Variants in NT5E observed in about 807,000 individuals in gnomAD.
The protein encoded by NT5E is 5'-nucleotidase.
A neutral mutation model predicts 55.1 loss-of-function variants in NT5E; 53 were observed. That is an observed-to-expected ratio of 0.96 (90% CI 0.77 to 1.21). The LOEUF is 1.21. Among genes scored for constraint, NT5E ranks in the 50% most tolerant of loss-of-function variants. The pLI is 0.00. For missense variants in NT5E, 683 were observed against 724.3 expected, an observed-to-expected ratio of 0.94 and a Z score of 0.65; for synonymous variants, 270 against 278.4, an observed-to-expected ratio of 0.97 and a Z score of 0.30.
At chr6:85,493,228 G>C (rs1450195429) in intron 8 of NT5E, among the ~76,000 whole-genome samples, 1 of 152,160 alleles carries the variant, frequency 6.6e-6, no homozygotes, top group Non-Finnish European at 1.5e-5. Flanking sequence ...AAGTTAACTG[G>C]ATTGGGGCTA....
At chr6:85,457,565 C>T (rs541703163) in intron 1 of NT5E, among the ~76,000 whole-genome samples, 2 of 152,094 alleles carry the variant, frequency 1.3e-5, no homozygotes, top group Admixed American at 1.3e-4. Context: ...GGAGAGATAG[C>T]GTAGGTCTTT....
At chr6:85,483,634 C>T (rs930954600) in intron 3 of NT5E, among the ~76,000 whole-genome samples, 1 of 152,152 alleles carries the variant, frequency 6.6e-6, no homozygotes, top group African/African-American at 2.4e-5. Context: ...ACAACTATTT[C>T]CTGCTTGTGA....
chr6:85,485,554 G>T (rs1769635741), intron 4 of NT5E, 122 bp downstream of exon 4: 1 of 1,016,374 alleles, frequency 9.8e-7, no homozygotes, highest in Non-Finnish European at 1.5e-6. Flanking sequence ...GAAGAATTTA[G>T]TTTCTTCCTT....
chr6:85,476,920 T>C lies in NT5E; in HGVS notation c.751+5495T>C, dbSNP rs573108926. 3.2e-4 allele frequency among the ~76,000 whole-genome samples: 49 copies of C among 152,122 alleles called. No individual in the cohort carries two copies. In the Middle Eastern group the frequency reaches 0.01, roughly 32 times the overall value. ...GGATGGGGGGCAGGGCGGGCCAGGG[T>C]GATTTTGGAAAAGGCAACATTCAGG... is the stretch of plus-strand genomic sequence containing the variant. On this transcript the variant is annotated intron_variant, in intron 3 of 8. Transcript: ENST00000257770.
At chr6:85,464,407 G>A in intron 1 of NT5E, among the ~76,000 whole-genome samples, 1 of 152,008 alleles carries the variant, frequency 6.6e-6, no homozygotes, top group Non-Finnish European at 1.5e-5. Flanking sequence ...TTCATTCACT[G>A]CCATTCCAGA....
At chr6:85,453,973 CCTTT>C (rs1380742484) in intron 1 of NT5E, among the ~76,000 whole-genome samples, 2 of 152,126 alleles carry the variant, frequency 1.3e-5, no homozygotes, top group Non-Finnish European at 2.9e-5. Context: ...GTTATTTAGC[CCTTT>C]CTGTTTCTTA....
chr6:85,494,486 AATGCT>A lies in NT5E; in HGVS notation c.*483_*487del. 1 of 176,098 alleles carries A rather than the reference AATGCT, an allele frequency of 5.7e-6. No homozygotes were observed. Among genetic ancestry groups the A allele is most frequent in the East Asian group, 1.6e-4 (1 of 6,390 alleles). 10.9% of individuals were successfully genotyped at this position (176,098 alleles called of 1,614,324 possible). On this transcript the variant is annotated 3_prime_UTR_variant, in exon 9 of 9. Coordinates refer to ENST00000257770, the MANE Select transcript of NT5E (RefSeq NM_002526.4). ...AAAGGGTTGACTTGACCATACAGCT[AATGCT>A]GACAGATCCAAGACCTAGACCTAGG...
chr6:85,491,408 G>C lies in NT5E; in HGVS notation c.1361-569G>C, dbSNP rs532863906. On this transcript the variant is annotated intron_variant, in intron 7 of 8. Transcript: ENST00000257770. Reference sequence around the variant, plus strand: ...TTGCTTTCCTGAGTTTTCCTCTGCAGAACACATTGCTGTTGAGACTGAAGG... The same window carrying C: ...TTGCTTTCCTGAGTTTTCCTCTGCACAACACATTGCTGTTGAGACTGAAGG... 67 of 326,068 alleles carry C rather than the reference G, an allele frequency of 2.1e-4. 2 individuals carry two copies. The Admixed American group carries it at 3.0e-3, about 15-fold the overall frequency. The allele number at this position is 326,068 out of a possible 1,614,324, so 20.2% of individuals were successfully genotyped here. A position where few individuals can be genotyped will look rare whatever the true frequency, so the allele number is the denominator to read the frequency against.
intron 3 of NT5E, among the ~76,000 whole-genome samples, chr6:85,482,962 G>T (rs1476074210): frequency 6.6e-6 from 1 of 152,168 alleles, no homozygotes; most frequent in Non-Finnish European, 1.5e-5. Context: ...CTTCCTTCTT[G>T]TTCCTGATTA....
chr6:85,480,521 C>G (rs1292516931), intron 3 of NT5E, among the ~76,000 whole-genome samples: 2 of 152,140 alleles, frequency 1.3e-5, no homozygotes, highest in Non-Finnish European at 2.9e-5. Context: ...CTGTCCTGGT[C>G]ACCTGAAGGT....
intron 1 of NT5E, among the ~76,000 whole-genome samples, chr6:85,458,112 G>A (rs1189548879): frequency 6.6e-6 from 1 of 152,196 alleles, no homozygotes; most frequent in Non-Finnish European, 1.5e-5. Context: ...TATGTTAAAG[G>A]AAACTGTCAC....
intron 1 of NT5E, among the ~76,000 whole-genome samples, chr6:85,466,278 A>C (rs1769191727): frequency 6.6e-6 from 1 of 152,182 alleles, no homozygotes; most frequent in South Asian, 2.1e-4. Context: ...AGAGATAAGA[A>C]GGTGGGAAAC....
rs183581735 is a variant in NT5E, at chr6:85,478,832, T to C, written c.752-6403T>C. On this transcript the variant is annotated intron_variant, in intron 3 of 8. Coordinates refer to ENST00000257770, the MANE Select transcript of NT5E (RefSeq NM_002526.4). ...TCTGCTCATGTATTATCTCTCTATATATATAGTATTGAGAGAGAGAAAGAG... is the reference window on the plus strand; with the variant it reads ...TCTGCTCATGTATTATCTCTCTATACATATAGTATTGAGAGAGAGAAAGAG... Among the ~76,000 whole-genome samples the C allele has an allele frequency of 1.1e-3, 166 of 151,990 alleles. 1 individual carries two copies. Among genetic ancestry groups the C allele is most frequent in the African/African-American group, 4.0e-3 (166 of 41,496 alleles).
chr6:85,475,418 A>AT, intron 3 of NT5E, among the ~76,000 whole-genome samples: 1 of 152,216 alleles, frequency 6.6e-6, no homozygotes, highest in Non-Finnish European at 1.5e-5. Flanking sequence ...TTTCCTTTCC[A>AT]AGTACCATGC....
chr6:85,454,893 G>A (rs773071561), intron 1 of NT5E, among the ~76,000 whole-genome samples: 5 of 152,128 alleles, frequency 3.3e-5, no homozygotes, highest in Admixed American at 6.5e-5. Context: ...TACCTCTGAG[G>A]TCCCATACAT....
intron 1 of NT5E, among the ~76,000 whole-genome samples, chr6:85,466,138 T>C (rs1769187329): frequency 6.6e-6 from 1 of 152,052 alleles, no homozygotes; most frequent in Admixed American, 6.5e-5. Flanking sequence ...TCATGCTTTG[T>C]CAGTGGGGCC....
chr6:85,484,529 G>A (rs1166021298), intron 3 of NT5E, among the ~76,000 whole-genome samples: 1 of 152,164 alleles, frequency 6.6e-6, no homozygotes, highest in Non-Finnish European at 1.5e-5. Context: ...AGGGCTGGCT[G>A]GGGTCAGGAG....
chr6:85,475,386 T>G (rs1769409274), intron 3 of NT5E, among the ~76,000 whole-genome samples: 1 of 152,232 alleles, frequency 6.6e-6, no homozygotes, highest in Non-Finnish European at 1.5e-5. Context: ...CCCTTCCAAA[T>G]GTTGAAAGTT....
At chr6:85,459,758 C>T (rs1185026212) in intron 1 of NT5E, among the ~76,000 whole-genome samples, 2 of 152,142 alleles carry the variant, frequency 1.3e-5, no homozygotes, top group African/African-American at 4.8e-5. Context: ...TTTTTAACAC[C>T]TTCTGGGGGT....
Sources: allele counts gnomAD v4.1 joint callset (sites outside exome capture counted in the v4.1 genomes callset), GRCh38; gene constraint gnomAD v4.1.1; transcripts MANE v1.5; gene names NCBI Gene and HGNC (gene_info 2026-07-23, HGNC 2026-07-21).